UPK1A: variants seen among roughly 807,000 people sequenced by gnomAD.
UPK1A encodes uroplakin-1a.
Under a neutral mutation model 32.3 loss-of-function variants are expected in UPK1A, and 31 were observed. The observed-to-expected ratio is 0.96, with a 90% CI of 0.72 to 1.30. The LOEUF (loss-of-function observed/expected upper bound fraction) is 1.30, where lower values mean the gene tolerates loss of function less well. Ranked by LOEUF, UPK1A falls within the 50% of genes most tolerant of loss-of-function variation. UPK1A has a pLI of 0.00. For synonymous variants in UPK1A, 135 were observed against 137.1 expected, an observed-to-expected ratio of 0.98 and a Z score of 0.11; for missense variants, 340 against 357.4, an observed-to-expected ratio of 0.95 and a Z score of 0.39.
chr19:35,674,241 CTTTTTTTTTTT>C (rs35857173), intron 5 of UPK1A, among the ~76,000 whole-genome samples: 1 of 98,982 alleles, frequency 1.0e-5, no homozygotes. Context: ...TTCTTTTTAT[CTTTTTTTTTTT>C]TTTTTTTTTT....
intron 5 of UPK1A, among the ~76,000 whole-genome samples, chr19:35,674,843 A>C (rs1968157357): frequency 6.6e-6 from 1 of 152,010 alleles, no homozygotes; most frequent in Admixed American, 6.6e-5. Context: ...GGGGTTCAAG[A>C]CCATCCTGGC....
chr19:35,678,054 ACTC>A, exon 8 of UPK1A: 1 of 1,537,262 alleles, frequency 6.5e-7, no homozygotes, highest in South Asian at 1.3e-5. Context: ...CACACCCCGG[ACTC>A]CTCCGCATCC....
chr19:35,678,342 C>T (rs573317923), exon 8 of UPK1A: 4 of 280,862 alleles, frequency 1.4e-5, no homozygotes, highest in South Asian at 1.1e-4. Context: ...CTTGCTGAAC[C>T]GTTTGTGATT....
exon 1 of UPK1A, chr19:35,666,531 CAG>C (rs1161001533): frequency 2.2e-6 from 1 of 452,060 alleles, no homozygotes; most frequent in Non-Finnish European, 4.1e-6. Flanking sequence ...AGGCTGCAGA[CAG>C]AGAAGGTGAG....
At chr19:35,678,262 C>G (rs1968213692) in exon 8 of UPK1A, 2 of 425,966 alleles carry the variant, frequency 4.7e-6, no homozygotes, top group Non-Finnish European at 8.4e-6. Context: ...TCTCCATGAT[C>G]CCACCTCCCA....
intron 6 of UPK1A, among the ~76,000 whole-genome samples, chr19:35,677,382 C>T (rs778036584): frequency 9.2e-5 from 14 of 151,830 alleles, no homozygotes; most frequent in Non-Finnish European, 1.8e-4. Context: ...AAAAATTAGC[C>T]GGGCGTAGTG....
intron 3 of UPK1A, among the ~76,000 whole-genome samples, chr19:35,669,499 T>TAAAA (rs34854874): frequency 5.2e-4 from 61 of 116,304 alleles, no homozygotes; most frequent in African/African-American, 1.9e-3. Flanking sequence ...ATCCCATCTC[T>TAAAA]AAAAAAAAAA....
At chr19:35,672,719 A>C (rs1968121565) in intron 3 of UPK1A, among the ~76,000 whole-genome samples, 1 of 152,118 alleles carries the variant, frequency 6.6e-6, no homozygotes, top group East Asian at 1.9e-4. Context: ...CACTACCACT[A>C]GTAGTAACTA....
chr19:35,666,777 C>T (rs1162386696), intron 1 of UPK1A, 32 bp from the exon 2 acceptor site: 1 of 1,611,208 alleles, frequency 6.2e-7, no homozygotes. Context: ...GCCCTTTACG[C>T]TCCTGGCCTC....
exon 6 of UPK1A, chr19:35,676,002 G>A: frequency 6.2e-7 from 1 of 1,613,336 alleles, no homozygotes; most frequent in Non-Finnish European, 8.5e-7. Flanking sequence ...GGGGCACATG[G>A]ACTACCTGTT....
intron 4 of UPK1A, 50 bp downstream of exon 4, chr19:35,673,356 A>C: frequency 1.9e-6 from 3 of 1,611,792 alleles, no homozygotes; most frequent in Non-Finnish European, 2.5e-6. Flanking sequence ...GGGAGGGGCG[A>C]GGGTCCCGGC....
chr19:35,674,437 G>A (rs1255604630), intron 5 of UPK1A, among the ~76,000 whole-genome samples: 1 of 151,390 alleles, frequency 6.6e-6, no homozygotes, highest in Non-Finnish European at 1.5e-5. Context: ...TAGTAGAGAT[G>A]GGTGTTAGCC....
chr19:35,673,238 G>C lies in UPK1A; in HGVS notation c.292G>C (p.Val98Leu), dbSNP rs144711603. The change falls in exon 4 of 8, where the codon GTG becomes CTG. Residue 98 changes from valine (V) to leucine (L), a missense_variant. Coordinates refer to ENST00000617999, the Ensembl canonical transcript of UPK1A. Reference sequence around the variant, plus strand: ...CCTCCCTCTGTCTCCCCAGTACCTGGTGCTCATGCTCATCGTCTACATCTT... The same window carrying C: ...CCTCCCTCTGTCTCCCCAGTACCTGCTGCTCATGCTCATCGTCTACATCTT... 2.2e-3 allele frequency: 3,485 copies of C among 1,614,066 alleles called. 8 individuals are homozygous for C. Among genetic ancestry groups the C allele is most frequent in the Non-Finnish European group, 2.8e-3 (3,298 of 1,180,018 alleles).
chr19:35,666,937 G>C, intron 2 of UPK1A, 41 bp downstream of exon 2: 2 of 1,606,616 alleles, frequency 1.2e-6, no homozygotes, highest in African/African-American at 2.7e-5. Flanking sequence ...TGGTTGTGTG[G>C]TGGGGAGGGG....
intron 7 of UPK1A, 39 bp from the exon 8 acceptor site, chr19:35,677,936 G>C (rs200442790): frequency 9.5e-6 from 15 of 1,584,838 alleles, no homozygotes; most frequent in Non-Finnish European, 1.2e-5. Flanking sequence ...GGCTGGGGGT[G>C]GGGGGCGGAG....
At chr19:35,667,417 C>G (rs1968015588) in intron 2 of UPK1A, among the ~76,000 whole-genome samples, 1 of 152,050 alleles carries the variant, frequency 6.6e-6, no homozygotes, top group Admixed American at 6.6e-5. Flanking sequence ...ACTGCAACCT[C>G]TAACTCCCGG....
intron 5 of UPK1A, among the ~76,000 whole-genome samples, chr19:35,674,102 C>G (rs1273906028): frequency 6.6e-6 from 1 of 151,770 alleles, no homozygotes; most frequent in African/African-American, 2.4e-5. Context: ...GGGGGTCTTG[C>G]TCTATTGCCC....
rs761719567 is a variant in UPK1A, at chr19:35,667,791, G to A, written c.85-663G>A. Among the ~76,000 whole-genome samples the A allele has an allele frequency of 5.3e-4, 81 of 151,516 alleles. No homozygotes were observed. In the Middle Eastern group the frequency reaches 0.01, roughly 19 times the overall value. The stretch of plus-strand genomic sequence containing the variant: ...TTACAGGTGTAAGCCACCGCGACTG[G>A]CCGTGTGTTTGTTTTAGAGACAGGG... On this transcript the variant is annotated intron_variant, in intron 2 of 7. Coordinates refer to ENST00000617999, the Ensembl canonical transcript of UPK1A.
chr19:35,673,409 C>G, intron 4 of UPK1A, 29 bp from the exon 5 acceptor site: 3 of 1,612,182 alleles, frequency 1.9e-6, no homozygotes, highest in Non-Finnish European at 2.5e-6. Context: ...CCAGCCCTGC[C>G]GGCCCTTGTT....
Sources: allele counts gnomAD v4.1 joint callset (sites outside exome capture counted in the v4.1 genomes callset), GRCh38; gene constraint gnomAD v4.1.1; transcripts MANE v1.5; gene names NCBI Gene and HGNC (gene_info 2026-07-23, HGNC 2026-07-21).